Variants in PARD3B observed in about 807,000 individuals in gnomAD.
PARD3B encodes par-3 family cell polarity regulator beta.
PARD3B carries 103 observed loss-of-function variants against 130.2 expected under a neutral mutation model. The ratio of observed to expected loss-of-function variants is 0.79; its 90% CI spans 0.67 to 0.93. The LOEUF is 0.93. Among genes scored for constraint, PARD3B ranks in the 40% least tolerant of loss-of-function variants. PARD3B has a pLI of 0.00. For missense variants in PARD3B, 1,609 were observed against 1,499.2 expected (o/e 1.07, Z -1.21); for synonymous variants, 583 against 553.2 (o/e 1.05, Z -0.76).
intron 2 of PARD3B, among the ~76,000 whole-genome samples, chr2:204,962,230 C>T (rs1379045303): frequency 6.6e-6 from 1 of 152,064 alleles, no homozygotes; most frequent in Non-Finnish European, 1.5e-5. Flanking sequence ...CATGAGGACA[C>T]TGGCATCATA....
chr2:205,139,975 C>T (rs1438171734), intron 10 of PARD3B, among the ~76,000 whole-genome samples: 1 of 152,224 alleles, frequency 6.6e-6, no homozygotes, highest in Non-Finnish European at 1.5e-5. Context: ...ATACTGATCG[C>T]ATGTGAATGT....
At position 205,495,294 on chromosome 2, in the gene PARD3B, A is replaced by C. The variant is rs73058150; in HGVS notation, c.3045-4602A>C. ...AAATCATTACAATATACATCATGTT[A>C]TTATACTGCTTGAATTAATTTCACA... On this transcript the variant is annotated intron_variant, in intron 20 of 22. Transcript: ENST00000406610. Among the ~76,000 whole-genome samples, 683 of 152,320 alleles carry C rather than the reference A, an allele frequency of 4.5e-3. 4 individuals are homozygous for C. Among genetic ancestry groups the C allele is most frequent in the African/African-American group, 0.016 (653 of 41,566 alleles).
chr2:205,103,754 T>C, intron 4 of PARD3B: 1 of 984,898 alleles, frequency 1.0e-6, no homozygotes, highest in Non-Finnish European at 1.2e-6. Context: ...ATCCATCCTC[T>C]CCTCTGCTTC....
chr2:205,526,386 G>C (rs568883161), intron 21 of PARD3B, among the ~76,000 whole-genome samples: 5 of 152,302 alleles, frequency 3.3e-5, no homozygotes, highest in Non-Finnish European at 1.5e-5. Flanking sequence ...AGTATTGCCA[G>C]GTAGAGTTTT....
chr2:204,942,928 A>G (rs1689023338), intron 2 of PARD3B, among the ~76,000 whole-genome samples: 1 of 152,288 alleles, frequency 6.6e-6, no homozygotes, highest in Non-Finnish European at 1.5e-5. Flanking sequence ...TCTACTGTGT[A>G]CTAGGCTTAG....
At chr2:204,640,156 A>G (rs1263870771) in intron 1 of PARD3B, among the ~76,000 whole-genome samples, 1 of 152,102 alleles carries the variant, frequency 6.6e-6, no homozygotes, top group Non-Finnish European at 1.5e-5. Flanking sequence ...TGGGAGGCTG[A>G]TATAGGAGAA....
chr2:205,088,833 C>T (rs573815300), intron 4 of PARD3B, among the ~76,000 whole-genome samples: 73 of 147,586 alleles, frequency 4.9e-4, no homozygotes, highest in Non-Finnish European at 9.2e-4. Flanking sequence ...CTTGCTTTGT[C>T]GTCAGGCTGG....
At chr2:205,492,383 TTAGAG>T (rs2049751116) in intron 20 of PARD3B, among the ~76,000 whole-genome samples, 1 of 152,178 alleles carries the variant, frequency 6.6e-6, no homozygotes, top group South Asian at 2.1e-4. Context: ...ACCCCTTAAT[TTAGAG>T]TAGAGTAATT....
intron 1 of PARD3B, among the ~76,000 whole-genome samples, chr2:204,682,143 C>A (rs1213490468): frequency 6.6e-6 from 1 of 152,104 alleles, no homozygotes; most frequent in African/African-American, 2.4e-5. Context: ...TGATGATGCA[C>A]CCGAGGCCCA....
chr2:205,000,834 T>C (rs1254759001), intron 3 of PARD3B, among the ~76,000 whole-genome samples: 1 of 152,190 alleles, frequency 6.6e-6, no homozygotes, highest in African/African-American at 2.4e-5. Context: ...TGCAAGGTAC[T>C]GTCACTAGAA....
intron 18 of PARD3B, among the ~76,000 whole-genome samples, chr2:205,370,208 C>G (rs1041525352): frequency 9.2e-5 from 14 of 152,222 alleles, no homozygotes; most frequent in Non-Finnish European, 1.8e-4. Context: ...AGAAGAACAA[C>G]TCCCAAACTA....
At chr2:205,389,796 G>A (rs889937214) in intron 18 of PARD3B, among the ~76,000 whole-genome samples, 4 of 152,140 alleles carry the variant, frequency 2.6e-5, no homozygotes, top group African/African-American at 7.2e-5. Flanking sequence ...TGGAATGAAA[G>A]GTCTAAGTAT....
chr2:205,389,636 G>A (rs554038836), intron 18 of PARD3B, among the ~76,000 whole-genome samples: 14 of 152,290 alleles, frequency 9.2e-5, no homozygotes, highest in African/African-American at 2.2e-4. Flanking sequence ...GAGCCACTGC[G>A]CCCGGCCTGT....
intron 1 of PARD3B, among the ~76,000 whole-genome samples, chr2:204,571,404 T>A (rs1006368235): frequency 2.0e-5 from 3 of 152,230 alleles, no homozygotes; most frequent in African/African-American, 7.2e-5. Context: ...TAATAACTTT[T>A]ACATGCTGCC....
intron 2 of PARD3B, among the ~76,000 whole-genome samples, chr2:204,752,810 A>G (rs536294484): frequency 6.6e-6 from 1 of 152,262 alleles, no homozygotes; most frequent in African/African-American, 2.4e-5. Context: ...TGCCGTTCTC[A>G]TCTGTGAGGT....
At chr2:204,857,829 C>A (rs1354256979) in intron 2 of PARD3B, among the ~76,000 whole-genome samples, 2 of 152,126 alleles carry the variant, frequency 1.3e-5, no homozygotes, top group African/African-American at 4.8e-5. Flanking sequence ...AATGGCCTTC[C>A]TGCTTCTGAA....
intron 15 of PARD3B, among the ~76,000 whole-genome samples, chr2:205,222,839 T>G (rs571634210): frequency 7.1e-6 from 1 of 140,226 alleles, no homozygotes; most frequent in African/African-American, 2.7e-5. Context: ...CTTGCACAAA[T>G]AGTCTTTTCT....
Position 205,301,333 on chromosome 2 carries a change from G to C in PARD3B, c.2393-131G>C. 6.9e-7 allele frequency: 1 copy of C among 1,454,404 alleles called. No homozygotes were observed. The highest frequency in any genetic ancestry group is 9.2e-7 in the Non-Finnish European group (1 of 1,089,918). 90.1% of individuals were successfully genotyped at this position (1,454,404 alleles called of 1,614,324 possible). A position where few individuals can be genotyped will look rare whatever the true frequency, so the allele number is the denominator to read the frequency against. On this transcript the variant is annotated intron_variant, in intron 17 of 22. Transcript: ENST00000406610. The surrounding 1 kb of genome is among the most constrained non-coding windows in gnomAD (Gnocchi z 5.2). ...GCAGTCAGATCTTCAAAGGGCGCAC[G>C]TAACCACATAGAAGGGTAGAACTAC...
At chr2:205,574,802 G>A (rs1458908646) in intron 22 of PARD3B, among the ~76,000 whole-genome samples, 1 of 149,982 alleles carries the variant, frequency 6.7e-6, no homozygotes, top group African/African-American at 2.5e-5. Flanking sequence ...GGGGAAAGAA[G>A]GTAAGGAGAC....
Sources: allele counts gnomAD v4.1 joint callset (sites outside exome capture counted in the v4.1 genomes callset), GRCh38; gene constraint gnomAD v4.1.1; non-coding constraint Gnocchi (gnomAD v3.1); transcripts MANE v1.5; gene names NCBI Gene and HGNC (gene_info 2026-07-23, HGNC 2026-07-21).